Variants in DPP10 observed in about 807,000 individuals in gnomAD.
DPP10 encodes inactive dipeptidyl peptidase 10.
Under a neutral mutation model 120.9 loss-of-function variants are expected in DPP10, and 33 were observed. That is an observed-to-expected ratio of 0.27 (90% CI 0.21 to 0.37). The LOEUF (loss-of-function observed/expected upper bound fraction) is 0.37, where lower values mean the gene tolerates loss of function less well. Among genes scored for constraint, DPP10 ranks in the 10% least tolerant of loss-of-function variants. The pLI is 1.00. For synonymous variants in DPP10, 337 were observed against 326.1 expected (o/e 1.03, Z -0.36); for missense variants, 816 against 942.8 (o/e 0.87, Z 1.76).
At chr2:114,983,906 T>C (rs1024115) in intron 1 of DPP10, among the ~76,000 whole-genome samples, 150,202 of 152,288 alleles carry the variant, frequency 0.99, 74,101 homozygotes, top group Non-Finnish European at 1. Flanking sequence ...AATTAAGCTA[T>C]GGTTTAACCC....
chr2:115,337,288 G>C (rs1323292498), intron 2 of DPP10, among the ~76,000 whole-genome samples: 1 of 151,942 alleles, frequency 6.6e-6, no homozygotes, highest in Non-Finnish European at 1.5e-5. Context: ...CTAAGGAGTT[G>C]GATTTCAGTT....
intron 1 of DPP10, among the ~76,000 whole-genome samples, chr2:114,546,699 AT>A (rs1315074292): frequency 6.6e-6 from 1 of 152,184 alleles, no homozygotes; most frequent in Non-Finnish European, 1.5e-5. Flanking sequence ...CTAGTTAATG[AT>A]TTGCCACTTC....
At chr2:115,061,942 A>T (rs771181969) in intron 1 of DPP10, among the ~76,000 whole-genome samples, 35 of 151,738 alleles carry the variant, frequency 2.3e-4, no homozygotes, top group Non-Finnish European at 3.4e-4. Flanking sequence ...TTCAGTTAAA[A>T]TTGTTTTTTT....
chr2:115,361,739 G>C (rs2064782886), intron 3 of DPP10, among the ~76,000 whole-genome samples: 1 of 151,864 alleles, frequency 6.6e-6, no homozygotes, highest in African/African-American at 2.4e-5. Flanking sequence ...AGCCAGTTCT[G>C]GTGCTCAGCA....
chr2:114,770,615 C>T (rs192858720), intron 1 of DPP10, among the ~76,000 whole-genome samples: 174 of 152,246 alleles, frequency 1.1e-3, no homozygotes, highest in Non-Finnish European at 1.9e-3. Flanking sequence ...CAAATAAACA[C>T]TAAAGGAAGA....
rs187858463 is a variant in DPP10 at position 114,664,485 on chromosome 2, C to T, written c.60+221647C>T. On this transcript the variant is annotated intron_variant, in intron 1 of 25. Coordinates refer to ENST00000410059, the MANE Select transcript of DPP10 (RefSeq NM_020868.6). ...CTCTACTAAAAATACAAAACTTAGCCGGGTGTGGTGGTGCGCACCTGTTAT... is the reference window on the plus strand; with the variant it reads ...CTCTACTAAAAATACAAAACTTAGCTGGGTGTGGTGGTGCGCACCTGTTAT... Among the ~76,000 whole-genome samples, 84 of 151,830 alleles carry T rather than the reference C, an allele frequency of 5.5e-4. No homozygotes were observed. The East Asian group carries it at 0.013, about 24-fold the overall frequency.
At chr2:115,256,719 C>A in intron 1 of DPP10, among the ~76,000 whole-genome samples, 1 of 152,194 alleles carries the variant, frequency 6.6e-6, no homozygotes, top group East Asian at 1.9e-4. Context: ...TGCTTCACAG[C>A]CCACTTGGAT....
At chr2:114,973,640 C>A (rs1455566790) in intron 1 of DPP10, among the ~76,000 whole-genome samples, 1 of 109,116 alleles carries the variant, frequency 9.2e-6, no homozygotes. Flanking sequence ...CCAGCCTGGG[C>A]AACGGAGTGA....
chr2:115,336,380 TA>T (rs1351881308), intron 2 of DPP10, among the ~76,000 whole-genome samples: 1 of 152,036 alleles, frequency 6.6e-6, no homozygotes, highest in Non-Finnish European at 1.5e-5. Flanking sequence ...TGTAACTATT[TA>T]ACCAATAAGG....
chr2:114,822,355 A>G (rs531425397), intron 1 of DPP10, among the ~76,000 whole-genome samples: 1 of 152,180 alleles, frequency 6.6e-6, no homozygotes, highest in South Asian at 2.1e-4. Context: ...ACAGGACACC[A>G]AGTCCCTAGG....
chr2:115,662,922 A>G (rs942743051), intron 5 of DPP10, among the ~76,000 whole-genome samples: 5 of 152,312 alleles, frequency 3.3e-5, no homozygotes, highest in African/African-American at 1.2e-4. Context: ...TATTTGAGCA[A>G]ATCAATTAAA....
chr2:114,877,716 G>A (rs367936520), intron 1 of DPP10, among the ~76,000 whole-genome samples: 6 of 151,974 alleles, frequency 3.9e-5, no homozygotes, highest in Admixed American at 1.3e-4. Flanking sequence ...ATAGCATCAC[G>A]ATAAATCTAG....
At chr2:115,309,019 A>G (rs1328244066) in intron 1 of DPP10, among the ~76,000 whole-genome samples, 1 of 152,054 alleles carries the variant, frequency 6.6e-6, no homozygotes, top group African/African-American at 2.4e-5. Context: ...CAGCAAGCAT[A>G]AAACGCTGCT....
At chr2:115,788,133 G>A (rs1320071858) in intron 17 of DPP10, among the ~76,000 whole-genome samples, 1 of 151,986 alleles carries the variant, frequency 6.6e-6, no homozygotes, top group East Asian at 1.9e-4. Flanking sequence ...TTGAGCTGAA[G>A]GAAGATGAAA....
chr2:115,565,749 TTTTTTTTTTTGTTTGTTTTG>T (rs2080963377), intron 5 of DPP10, among the ~76,000 whole-genome samples: 1 of 188 alleles, frequency 5.3e-3, no homozygotes, highest in African/African-American at 7.7e-3. Flanking sequence ...AGGTTATGGG[TTTTTTTTTTTGTTTGTTTTG>T]TTTTTTTTTG....
At chr2:115,121,930 T>C (rs2049844862) in intron 1 of DPP10, among the ~76,000 whole-genome samples, 1 of 152,218 alleles carries the variant, frequency 6.6e-6, no homozygotes, top group African/African-American at 2.4e-5. Flanking sequence ...GAAAACTAGA[T>C]TTTTGCTTTA....
At chr2:115,166,318 CAT>C (rs1290015718) in intron 1 of DPP10, among the ~76,000 whole-genome samples, 5 of 151,172 alleles carry the variant, frequency 3.3e-5, no homozygotes, top group African/African-American at 1.2e-4. Context: ...TAATAAAAAA[CAT>C]ATTACTTCGA....
chr2:115,716,547 C>T (rs551968289), intron 7 of DPP10, among the ~76,000 whole-genome samples: 1 of 152,216 alleles, frequency 6.6e-6, no homozygotes, highest in African/African-American at 2.4e-5. Flanking sequence ...CATCCTCAGT[C>T]ATCATGGGTT....
At chr2:115,421,183 A>G (rs772815182) in intron 3 of DPP10, among the ~76,000 whole-genome samples, 29 of 151,978 alleles carry the variant, frequency 1.9e-4, no homozygotes, top group Non-Finnish European at 3.7e-4. Context: ...GTGTCAAACT[A>G]TATGCCAGTG....
Sources: allele counts gnomAD v4.1 joint callset (sites outside exome capture counted in the v4.1 genomes callset), GRCh38; gene constraint gnomAD v4.1.1; transcripts MANE v1.5; gene names NCBI Gene and HGNC (gene_info 2026-07-23, HGNC 2026-07-21).